The following ROR1 variants were observed in gnomAD, a reference collection of about 807,000 sequenced individuals.
ROR1 encodes ROR family WNT receptor 1.
In ROR1, 19 loss-of-function variants were observed where a neutral mutation model predicts 78.8. That is an observed-to-expected ratio of 0.24 (90% CI 0.17 to 0.35). ROR1 has a LOEUF of 0.35. Ranked by LOEUF, ROR1 falls within the 10% of genes least tolerant of loss-of-function variation. The pLI, the probability that ROR1 is intolerant of heterozygous loss-of-function variation, is 1.00. For missense variants in ROR1, 917 were observed against 1,177.8 expected (o/e 0.78, Z 3.24); for synonymous variants, 386 against 433.6 (o/e 0.89, Z 1.36).
rs1297896657 is a variant in ROR1, at chr1:63,833,518, C to T, written c.91+59010C>T. On this transcript the variant is annotated intron_variant, in intron 1 of 8. Transcript: ENST00000371079. The stretch of plus-strand genomic sequence containing the variant: ...GGTGACAAGGGGAAGCTCCCAGGGC[C>T]CAGGGTTCTGGCTAGCTCGGGGACG... Among the ~76,000 whole-genome samples the T allele has an allele frequency of 7.9e-5, 12 of 152,252 alleles. No individual in the cohort carries two copies. In the East Asian group the frequency reaches 2.3e-3, roughly 29 times the overall value.
In ROR1 at chr1:63,774,407, C is replaced by A. The variant is rs1279648634; in HGVS notation, c.-11C>A. On this transcript the variant is annotated 5_prime_UTR_variant, in exon 1 of 9. Transcript: ENST00000371079. This position sits in a 1 kb window ranked among gnomAD's most constrained non-coding sequence, Gnocchi z 5.7. ...GGAGCCGCCGCCGCCGCCGCCTCAGCGAGAGGAGGAATGCACCGGCCGCGC... is the reference window on the plus strand; with the variant it reads ...GGAGCCGCCGCCGCCGCCGCCTCAGAGAGAGGAGGAATGCACCGGCCGCGC... 5.6e-6 allele frequency: 7 copies of A among 1,248,286 alleles called. No individual in the cohort carries two copies. The Admixed American group carries it at 1.6e-4, about 28-fold the overall frequency. 77.3% of individuals were successfully genotyped at this position (1,248,286 alleles called of 1,614,324 possible).
At chr1:64,105,871 A>T (rs989167827) in intron 4 of ROR1, 1 of 152,186 alleles carries the variant, frequency 6.6e-6, no homozygotes. Flanking sequence ...CCTGTAGTAT[A>T]GTTTGAAGTC....
intron 2 of ROR1, among the ~76,000 whole-genome samples, chr1:64,014,839 A>AGTGTGCAG (rs537066878): frequency 0.016 from 2,311 of 140,196 alleles, 27 homozygotes; most frequent in Non-Finnish European, 0.027. Flanking sequence ...TTAGCAGGGA[A>AGTGTGCAG]GTGTGCAGTG....
At chr1:64,091,175 CT>C (rs35322186) in intron 4 of ROR1, among the ~76,000 whole-genome samples, 1 of 152,132 alleles carries the variant, frequency 6.6e-6, no homozygotes, top group East Asian at 1.9e-4. Flanking sequence ...CCCACAAATG[CT>C]TTTTTTAAAA....
intron 4 of ROR1, among the ~76,000 whole-genome samples, chr1:64,136,668 A>AT (rs1295345467): frequency 6.6e-6 from 1 of 152,104 alleles, no homozygotes; most frequent in East Asian, 1.9e-4. Flanking sequence ...ACCCCTCCTT[A>AT]TAAAAAAAGT....
chr1:63,843,128 C>A, intron 1 of ROR1: 1 of 715,668 alleles, frequency 1.4e-6, no homozygotes, highest in Non-Finnish European at 2.5e-6. Flanking sequence ...AAGGGGACGG[C>A]CTGCAACCCC....
At chr1:64,170,832 A>G (rs1268752327) in intron 8 of ROR1, among the ~76,000 whole-genome samples, 1 of 152,166 alleles carries the variant, frequency 6.6e-6, no homozygotes, top group East Asian at 1.9e-4. Flanking sequence ...AGGGCAGGGG[A>G]AAAATGCCGC....
At chr1:64,084,099 G>A (rs1647130088) in intron 4 of ROR1, among the ~76,000 whole-genome samples, 1 of 152,202 alleles carries the variant, frequency 6.6e-6, no homozygotes, top group Non-Finnish European at 1.5e-5. Flanking sequence ...GCTTTACGCA[G>A]TCCACTTTTG....
intron 2 of ROR1, among the ~76,000 whole-genome samples, chr1:64,047,050 T>A (rs974801403): frequency 6.6e-6 from 1 of 152,194 alleles, no homozygotes; most frequent in African/African-American, 2.4e-5. Flanking sequence ...AGCCTGAGGA[T>A]TAAAGGCCAT....
intron 1 of ROR1, among the ~76,000 whole-genome samples, chr1:63,998,302 C>A (rs907598596): frequency 1.4e-5 from 2 of 146,706 alleles, no homozygotes; most frequent in African/African-American, 5.1e-5. Context: ...TTTTTTTTGT[C>A]TTTTCAATAG....
rs1029967295 is a variant in ROR1 at position 63,839,401 on chromosome 1, T to G, written c.91+64893T>G. On this transcript the variant is annotated intron_variant, in intron 1 of 8. Coordinates refer to ENST00000371079, the MANE Select transcript of ROR1 (RefSeq NM_005012.4). ...CTATCTATCTATCTATCTATCTATC[T>G]AATTTGGCATCTATTTATCCATTAA... is the stretch of plus-strand genomic sequence containing the variant. 2.7e-5 allele frequency among the ~76,000 whole-genome samples: 4 copies of G among 150,130 alleles called. No individual in the cohort carries two copies. The East Asian group carries it at 7.8e-4, about 29-fold the overall frequency.
chr1:63,883,502 C>T (rs1444955451), intron 1 of ROR1, among the ~76,000 whole-genome samples: 1 of 152,114 alleles, frequency 6.6e-6, no homozygotes, highest in African/African-American at 2.4e-5. Flanking sequence ...AAAGAAGGCA[C>T]CTTCCAATAA....
intron 1 of ROR1, among the ~76,000 whole-genome samples, chr1:63,896,476 A>ACACT (rs1162129776): frequency 6.6e-6 from 1 of 152,202 alleles, no homozygotes; most frequent in African/African-American, 2.4e-5. Flanking sequence ...CACTTGGTAG[A>ACACT]CACTAAAGAA....
chr1:64,151,861 T>C (rs1220262165), intron 7 of ROR1, among the ~76,000 whole-genome samples: 2 of 141,318 alleles, frequency 1.4e-5, no homozygotes, highest in African/African-American at 2.6e-5. Flanking sequence ...CCAGCCTCGG[T>C]GACAGAGCGA....
intron 1 of ROR1, among the ~76,000 whole-genome samples, chr1:63,972,201 A>G (rs1404099139): frequency 6.6e-6 from 1 of 152,158 alleles, no homozygotes; most frequent in Non-Finnish European, 1.5e-5. Context: ...CTGGGCTCTC[A>G]AATACTTAAA....
At chr1:63,883,518 C>A (rs1449664859) in intron 1 of ROR1, among the ~76,000 whole-genome samples, 2 of 152,114 alleles carry the variant, frequency 1.3e-5, no homozygotes, top group Non-Finnish European at 2.9e-5. Context: ...AATAAAAATA[C>A]CTATAACCTG....
intron 1 of ROR1, among the ~76,000 whole-genome samples, chr1:63,936,831 C>T (rs1645797938): frequency 6.6e-6 from 1 of 152,130 alleles, no homozygotes; most frequent in Non-Finnish European, 1.5e-5. Flanking sequence ...AAGTACTGAG[C>T]AAATGTACAG....
At chr1:63,872,614 C>G (rs1285659434) in intron 1 of ROR1, among the ~76,000 whole-genome samples, 1 of 152,130 alleles carries the variant, frequency 6.6e-6, no homozygotes. Flanking sequence ...CCAAGGCCAC[C>G]CAGCCTTTCT....
At chr1:63,943,643 T>C (rs1645859270) in intron 1 of ROR1, among the ~76,000 whole-genome samples, 1 of 152,202 alleles carries the variant, frequency 6.6e-6, no homozygotes, top group Non-Finnish European at 1.5e-5. Context: ...AGCCATGTGG[T>C]TAACTGCTCC....
Sources: allele counts gnomAD v4.1 joint callset (sites outside exome capture counted in the v4.1 genomes callset), GRCh38; gene constraint gnomAD v4.1.1; non-coding constraint Gnocchi (gnomAD v3.1); transcripts MANE v1.5; gene names NCBI Gene and HGNC (gene_info 2026-07-23, HGNC 2026-07-21).